Variants in TMEM178B observed in about 807,000 individuals in gnomAD.
The protein encoded by TMEM178B is transmembrane protein 178B.
TMEM178B carries 5 observed loss-of-function variants against 31.0 expected under a neutral mutation model. The observed-to-expected ratio is 0.16, with a 90% CI of 0.08 to 0.34. The LOEUF (loss-of-function observed/expected upper bound fraction) is 0.34. Ranked by LOEUF, TMEM178B falls within the 10% of genes least tolerant of loss-of-function variation. The pLI, the probability that TMEM178B is intolerant of heterozygous loss-of-function variation, is 1.00. For synonymous variants in TMEM178B, 164 were observed against 164.0 expected (o/e 1.00, Z 0.00); for missense variants, 275 against 400.3 (o/e 0.69, Z 2.67).
intron 2 of TMEM178B, among the ~76,000 whole-genome samples, chr7:141,244,907 G>C (rs990226733): frequency 2.0e-5 from 3 of 151,904 alleles, no homozygotes; most frequent in African/African-American, 7.3e-5. Context: ...GGAGGCTGAG[G>C]TGGGCAGATT....
chr7:141,449,778 G>T (rs1320269661), intron 3 of TMEM178B, among the ~76,000 whole-genome samples: 1 of 152,212 alleles, frequency 6.6e-6, no homozygotes, highest in Non-Finnish European at 1.5e-5. Context: ...CAATCTCTCT[G>T]AATCTCACTG....
At chr7:141,364,007 A>G (rs1489548456) in intron 2 of TMEM178B, among the ~76,000 whole-genome samples, 1 of 152,168 alleles carries the variant, frequency 6.6e-6, no homozygotes, top group East Asian at 1.9e-4. Context: ...AAGGTTAAGA[A>G]GGCTTCATAC....
intron 1 of TMEM178B, among the ~76,000 whole-genome samples, chr7:141,116,008 G>C (rs1795312127): frequency 6.6e-6 from 1 of 152,192 alleles, no homozygotes; most frequent in Non-Finnish European, 1.5e-5. Context: ...TGTGATGGAT[G>C]ATGTTTTTTA....
At chr7:141,178,380 G>A (rs1292001554) in intron 1 of TMEM178B, among the ~76,000 whole-genome samples, 5 of 152,184 alleles carry the variant, frequency 3.3e-5, no homozygotes, top group Admixed American at 1.3e-4. Flanking sequence ...CATCTGGGAA[G>A]ACATAGAAGC....
chr7:141,357,143 A>C lies in TMEM178B; in HGVS notation c.497-80465A>C, dbSNP rs554155045. ...AATATCCTCAAATGAGGGCTCTATT[A>C]TTTTCCCTAATGTCAGCCTTAAAAG... is the stretch of plus-strand genomic sequence containing the variant. On this transcript the variant is annotated intron_variant, in intron 2 of 3. Coordinates refer to ENST00000565468, the MANE Select transcript of TMEM178B (RefSeq NM_001195278.2). Among the ~76,000 whole-genome samples, 5 of 152,274 alleles carry C rather than the reference A, an allele frequency of 3.3e-5. No homozygotes were observed. The East Asian group carries it at 9.6e-4, about 29-fold the overall frequency.
In TMEM178B at chr7:141,212,597, T is replaced by C. The variant is rs750684065; in HGVS notation, c.389T>C (p.Ile130Thr). ...TCCTGTTTCTCTTTTCTAGGAGAAA[T>C]TGAGCGATGTACGTACATCAAATAC... ...EIAALIRKGE[I>T]ERCTYIKYHY... Residue 130 changes from isoleucine to threonine, a missense_variant, in exon 2 of 4, where the codon ATT (isoleucine) becomes ACT (threonine). By Grantham distance (89) the Ile-to-Thr change is moderately conservative. Coordinates refer to ENST00000565468, the MANE Select transcript of TMEM178B (RefSeq NM_001195278.2). 57 of 1,535,840 alleles carry C rather than the reference T, an allele frequency of 3.7e-5. No homozygotes were observed. The highest frequency in any genetic ancestry group is 4.2e-5 in the Non-Finnish European group (48 of 1,146,784).
At chr7:141,256,268 G>A (rs553121906) in intron 2 of TMEM178B, among the ~76,000 whole-genome samples, 2 of 152,296 alleles carry the variant, frequency 1.3e-5, no homozygotes, top group East Asian at 1.9e-4. Flanking sequence ...AAGGGATAGG[G>A]CTATGAAGAA....
chr7:141,216,669 G>T (rs1797157602), intron 2 of TMEM178B, among the ~76,000 whole-genome samples: 5 of 152,094 alleles, frequency 3.3e-5, no homozygotes. Flanking sequence ...GGTGGGTACT[G>T]TGGGTGCCTT....
intron 2 of TMEM178B, among the ~76,000 whole-genome samples, chr7:141,324,904 C>G (rs1022954671): frequency 6.6e-6 from 1 of 152,130 alleles, no homozygotes; most frequent in African/African-American, 2.4e-5. Flanking sequence ...GCCACACTCT[C>G]CAATTGAAAT....
intron 2 of TMEM178B, among the ~76,000 whole-genome samples, chr7:141,407,652 G>GA (rs143406450): frequency 1.3e-5 from 2 of 152,134 alleles, no homozygotes; most frequent in Non-Finnish European, 2.9e-5. Flanking sequence ...TATAGATGAG[G>GA]AAACTGTGGT....
chr7:141,304,178 G>A (rs1011002223), intron 2 of TMEM178B, among the ~76,000 whole-genome samples: 5 of 152,128 alleles, frequency 3.3e-5, no homozygotes, highest in African/African-American at 1.2e-4. Context: ...TAATTGGTTC[G>A]ATTTTTTAAA....
Position 141,171,017 on chromosome 7 carries a change from T to TACACACACACAC in TMEM178B, c.383-41537_383-41526dup, listed in dbSNP as rs57427295. On this transcript the variant is annotated intron_variant, in intron 1 of 3. Transcript: ENST00000565468. This position sits in a 1 kb window ranked among gnomAD's most constrained non-coding sequence, Gnocchi z 4.3. ...GTTCAGACTACACATCACACACACA[T>TACACACACACAC]ACACACACACACACACACACACACA... Among the ~76,000 whole-genome samples the TACACACACACAC allele has an allele frequency of 6.8e-5, 10 of 146,158 alleles. No homozygotes were observed. Among genetic ancestry groups the TACACACACACAC allele is most frequent in the African/African-American group, 2.3e-4 (9 of 39,664 alleles).
intron 1 of TMEM178B, among the ~76,000 whole-genome samples, chr7:141,126,454 G>T (rs1795498139): frequency 6.6e-6 from 1 of 152,248 alleles, no homozygotes; most frequent in African/African-American, 2.4e-5. Context: ...TTAAGATGCA[G>T]TTTTACGTGG....
At chr7:141,157,286 C>G (rs964749767) in intron 1 of TMEM178B, among the ~76,000 whole-genome samples, 13 of 152,130 alleles carry the variant, frequency 8.5e-5, no homozygotes, top group African/African-American at 3.1e-4. Context: ...ACAGTTGGTG[C>G]AGTCTACTGG....
At chr7:141,095,599 C>T (rs1029893702) in intron 1 of TMEM178B, among the ~76,000 whole-genome samples, 2 of 152,124 alleles carry the variant, frequency 1.3e-5, no homozygotes, top group African/African-American at 2.4e-5. Context: ...TCTTTGGTCG[C>T]CCATTTGCTT....
At chr7:141,247,367 A>G (rs1437373739) in intron 2 of TMEM178B, among the ~76,000 whole-genome samples, 1 of 152,110 alleles carries the variant, frequency 6.6e-6, no homozygotes, top group Non-Finnish European at 1.5e-5. Context: ...CTTCCTGGAA[A>G]ATAATGCACA....
intron 2 of TMEM178B, among the ~76,000 whole-genome samples, chr7:141,413,144 T>C (rs1017477140): frequency 6.6e-6 from 1 of 152,226 alleles, no homozygotes; most frequent in Non-Finnish European, 1.5e-5. Context: ...CAGTGCCATG[T>C]GTAAAGCAAT....
intron 2 of TMEM178B, among the ~76,000 whole-genome samples, chr7:141,294,165 T>TCA (rs2116427588): frequency 6.6e-6 from 1 of 152,306 alleles, no homozygotes; most frequent in Non-Finnish European, 1.5e-5. Flanking sequence ...CCCAAAGTGC[T>TCA]GTAAGATAAA....
chr7:141,089,563 A>T (rs1397920260), intron 1 of TMEM178B, among the ~76,000 whole-genome samples: 1 of 152,230 alleles, frequency 6.6e-6, no homozygotes, highest in Non-Finnish European at 1.5e-5. Context: ...ATGCACACAT[A>T]TGTTTATTGC....
Sources: allele counts gnomAD v4.1 joint callset (sites outside exome capture counted in the v4.1 genomes callset), GRCh38; gene constraint gnomAD v4.1.1; non-coding constraint Gnocchi (gnomAD v3.1); transcripts MANE v1.5; gene names NCBI Gene and HGNC (gene_info 2026-07-23, HGNC 2026-07-21).